ZNF510: variants seen among roughly 807,000 people sequenced by gnomAD.
ZNF510 encodes zinc finger protein 510.
Under a neutral mutation model 18.1 loss-of-function variants are expected in ZNF510, and 15 were observed. The ratio of observed to expected loss-of-function variants is 0.83; its 90% CI spans 0.55 to 1.28. The LOEUF (loss-of-function observed/expected upper bound fraction) is 1.28. Among genes scored for constraint, ZNF510 ranks in the 50% most tolerant of loss-of-function variants. The probability of loss-of-function intolerance (pLI) is 0.00; values close to 1 mark genes in which losing one functional copy is unlikely to be tolerated. For missense variants in ZNF510, 724 were observed against 791.8 expected, an observed-to-expected ratio of 0.91 and a Z score of 1.03; for synonymous variants, 261 against 266.4, an observed-to-expected ratio of 0.98 and a Z score of 0.20.
chr9:96,755,626 G>T lies in ZNF510; in HGVS notation c.*3152C>A, dbSNP rs887113925. Among the ~76,000 whole-genome samples the T allele has an allele frequency of 9.4e-4, 143 of 152,186 alleles. 1 individual carries two copies. The highest frequency in any genetic ancestry group is 2.8e-4 in the Non-Finnish European group (19 of 68,012). ...CCTTCTGTGAAAAATTCAGTAGCAG[G>T]CCAGAAAGATGGGTATTATGGTTCC... On this transcript the variant is annotated 3_prime_UTR_variant, in exon 6 of 6. Coordinates refer to ENST00000223428, the MANE Select transcript of ZNF510 (RefSeq NM_014930.3).
intron 3 of ZNF510, 67 bp downstream of exon 3, chr9:96,774,721 T>A: frequency 7.4e-7 from 1 of 1,359,950 alleles, no homozygotes; most frequent in Non-Finnish European, 1.0e-6. Context: ...TACATTTCCA[T>A]ATTAATATGT....
At position 96,756,933 on chromosome 9, in the gene ZNF510, T is replaced by G. The variant is rs758572185; in HGVS notation, c.*1845A>C. 2 of 152,246 alleles carry G rather than the reference T, an allele frequency of 1.3e-5. No individual in the cohort carries two copies. Among genetic ancestry groups the G allele is most frequent in the Non-Finnish European group, 2.9e-5 (2 of 68,048 alleles). 9.4% of individuals were successfully genotyped at this position (152,246 alleles called of 1,614,324 possible). Reference sequence around the variant, plus strand: ...ATGACTTATGCGAATTACAGGGAATTAGAATTCTCTCTATAACTTATGGGA... The same window carrying G: ...ATGACTTATGCGAATTACAGGGAATGAGAATTCTCTCTATAACTTATGGGA... On this transcript the variant is annotated 3_prime_UTR_variant, in exon 6 of 6. Coordinates refer to ENST00000223428, the MANE Select transcript of ZNF510 (RefSeq NM_014930.3).
In ZNF510 at chr9:96,760,350, A is replaced by C. The variant is rs1193735400; in HGVS notation, c.480T>G (p.Phe160Leu). 1 of 1,613,912 alleles carries C rather than the reference A, an allele frequency of 6.2e-7. No homozygotes were observed. The highest frequency in any genetic ancestry group is 8.5e-7 in the Non-Finnish European group (1 of 1,179,890). Residue 160 changes from phenylalanine (F) to leucine (L), a missense_variant, in exon 6 of 6, where the codon TTT becomes TTG. Physicochemically the swap from Phe to Leu is conservative, Grantham distance 22. Coordinates refer to ENST00000223428, the MANE Select transcript of ZNF510 (RefSeq NM_014930.3). ...TEEEKVLGKPFTLHVAAVAST... is the reference protein window; with the variant it reads ...TEEEKVLGKPLTLHVAAVAST... ...AAGCAACAGCAGCTACATGCAGAGT[A>C]AATGGTTTCCCCAAAACTTTCTCTT... is the stretch of plus-strand genomic sequence containing the variant.
chr9:96,764,958 C>T (rs1321725239), intron 3 of ZNF510, among the ~76,000 whole-genome samples: 1 of 151,808 alleles, frequency 6.6e-6, no homozygotes, highest in Non-Finnish European at 1.5e-5. Context: ...ATTAAAAATA[C>T]AAAAATTAGC....
At chr9:96,766,751 C>T (rs1185936058) in intron 3 of ZNF510, among the ~76,000 whole-genome samples, 2 of 152,140 alleles carry the variant, frequency 1.3e-5, no homozygotes, top group African/African-American at 4.8e-5. Context: ...GCAACGCTAA[C>T]ATCCTTACAA....
At chr9:96,775,731 A>AT (rs899141325) in intron 2 of ZNF510, among the ~76,000 whole-genome samples, 17 of 152,182 alleles carry the variant, frequency 1.1e-4, no homozygotes, top group Non-Finnish European at 2.2e-4. Flanking sequence ...CTGTATTATC[A>AT]TTTTTGTGAT....
intron 3 of ZNF510, among the ~76,000 whole-genome samples, chr9:96,770,083 A>C (rs546305194): frequency 6.6e-6 from 1 of 152,316 alleles, no homozygotes; most frequent in African/African-American, 2.4e-5. Context: ...CCCAAGAGAA[A>C]ACAGGTGTCC....
At chr9:96,769,647 CAGAAT>C (rs1392513262) in intron 3 of ZNF510, among the ~76,000 whole-genome samples, 1 of 152,046 alleles carries the variant, frequency 6.6e-6, no homozygotes, top group East Asian at 1.9e-4. Context: ...AAAGAACCTA[CAGAAT>C]AGGAGAAAAT....
rs190987490 is a variant in ZNF510 at position 96,766,205 on chromosome 9, C to G, written c.130-2573G>C. On this transcript the variant is annotated intron_variant, in intron 3 of 5. Coordinates refer to ENST00000223428, the MANE Select transcript of ZNF510 (RefSeq NM_014930.3). ...AAGTTGATAGAAATGAGATATCAATCTACAATTTTAATTAGTGATTTTAAT... is the reference window on the plus strand; with the variant it reads ...AAGTTGATAGAAATGAGATATCAATGTACAATTTTAATTAGTGATTTTAAT... Among the ~76,000 whole-genome samples, 120 of 152,216 alleles carry G rather than the reference C, an allele frequency of 7.9e-4. 1 individual carries two copies. Among genetic ancestry groups the G allele is most frequent in the Admixed American group, 1.4e-3 (21 of 15,280 alleles).
At chr9:96,768,607 AAAT>A (rs1262640380) in intron 3 of ZNF510, among the ~76,000 whole-genome samples, 1 of 152,172 alleles carries the variant, frequency 6.6e-6, no homozygotes, top group Non-Finnish European at 1.5e-5. Flanking sequence ...ATAGAACAAA[AAAT>A]AATAAAATAG....
At position 96,758,759 on chromosome 9, in the gene ZNF510, G is replaced by C. The variant is rs374028592; in HGVS notation, c.*19C>G. 5.9e-6 allele frequency: 9 copies of C among 1,531,978 alleles called. No individual in the cohort carries two copies. The African/African-American group carries it at 1.1e-4, about 19-fold the overall frequency. The allele number at this position is 1,531,978 out of a possible 1,614,324, so 94.9% of individuals were successfully genotyped here. On this transcript the variant is annotated 3_prime_UTR_variant, in exon 6 of 6. Transcript: ENST00000223428. ...AAATGGGGTATTCCTTTTGTCAAAA[G>C]GATTTTCTAGTTATTACATCAATAG... is the stretch of plus-strand genomic sequence containing the variant.
In ZNF510 at chr9:96,774,794, T is replaced by C. The variant is rs769071068; in HGVS notation, c.123A>G (p.Ile41Met). ...GTATTAGTAATTAACTCACCTGAGA[T>C]ATGTTCATTTTCTGCTGCTCCTGAA... ...TLFQEQQKMN[I>M]SQASVSFKDV... The change falls in exon 3 of 6, where the codon ATA becomes ATG. Residue 41 changes from isoleucine to methionine, a missense_variant. By Grantham distance (10) the Ile-to-Met change is conservative (BLOSUM62 1). Transcript: ENST00000223428. The C allele has an allele frequency of 3.1e-6, 5 of 1,613,564 alleles. No individual in the cohort carries two copies. The South Asian group carries it at 4.4e-5, about 14-fold the overall frequency.
intron 3 of ZNF510, among the ~76,000 whole-genome samples, chr9:96,769,455 G>GC (rs1022398268): frequency 1.4e-5 from 2 of 144,132 alleles, no homozygotes; most frequent in African/African-American, 5.8e-5. Flanking sequence ...AAAAAAATTG[G>GC]CCTTAAAAGG....
At chr9:96,762,545 T>C (rs1849378772) in intron 5 of ZNF510, among the ~76,000 whole-genome samples, 1 of 149,280 alleles carries the variant, frequency 6.7e-6, no homozygotes, top group Non-Finnish European at 1.5e-5. Context: ...GAAAACATCC[T>C]CCTGATACCA....
rs1412461644 is a variant in ZNF510 at position 96,762,534 on chromosome 9, A to G, written c.352+584T>C. Among the ~76,000 whole-genome samples the G allele has an allele frequency of 3.3e-5, 5 of 151,796 alleles. No individual in the cohort carries two copies. In the South Asian group the frequency reaches 8.3e-4, roughly 25 times the overall value. ...AAAAAAAAAAAAAAAGAAAAGAAAAAGAAAACATCCTCCTGATACCACAGT... is the reference window on the plus strand; with the variant it reads ...AAAAAAAAAAAAAAAGAAAAGAAAAGGAAAACATCCTCCTGATACCACAGT... On this transcript the variant is annotated intron_variant, in intron 5 of 5. Coordinates refer to ENST00000223428, the MANE Select transcript of ZNF510 (RefSeq NM_014930.3).
chr9:96,764,677 G>A (rs1464846722), intron 3 of ZNF510, among the ~76,000 whole-genome samples: 1 of 151,832 alleles, frequency 6.6e-6, no homozygotes, highest in Non-Finnish European at 1.5e-5. Flanking sequence ...CAACAACAAA[G>A]GAAACATTAT....
chr9:96,760,251 A>G lies in ZNF510; in HGVS notation c.579T>C (p.Asn193=), dbSNP rs774499609. 26 of 1,612,576 alleles carry G rather than the reference A, an allele frequency of 1.6e-5. No homozygotes were observed. The highest frequency in any genetic ancestry group is 2.7e-5 in the African/African-American group (2 of 74,828). ...LQSISEFIIN[N]RNYSTKKIGC... ...CTATTTTCTTTGTTGAATAGTTTCT[A>G]TTATTAATGATAAATTCAGAAATAC... The change falls in exon 6 of 6, where the codon AAT becomes AAC. Residue 193 remains asparagine (N), a synonymous_variant. Coordinates refer to ENST00000223428, the MANE Select transcript of ZNF510 (RefSeq NM_014930.3).
rs779012255 is a variant in ZNF510, at chr9:96,759,425, AT to A, written c.1404del (p.Phe469LeufsTer202). 11 of 1,614,008 alleles carry A rather than the reference AT, an allele frequency of 6.8e-6. No homozygotes were observed. The highest frequency in any genetic ancestry group is 1.6e-4 in the Middle Eastern group (1 of 6,080). On this transcript the variant is annotated frameshift_variant, in exon 6 of 6. Transcript: ENST00000223428. LOFTEE classifies it low-confidence loss of function (END_TRUNC). ...KPYKCNECGKTFVQKSTLRGH... is the reference protein window; with the variant it reads ...KPYKCNECGKXFVQKSTLRGH... ...CCCCTGAGGGTTGACTTCTGGACAAATGTTTTTCCACATTCATTACATTTAT... is the reference window on the plus strand; with the variant it reads ...CCCCTGAGGGTTGACTTCTGGACAAAGTTTTTCCACATTCATTACATTTAT...
chr9:96,759,057 T>C lies in ZNF510; in HGVS notation c.1773A>G (p.Gln591=), dbSNP rs1466922565. The part of the protein sequence containing the change: ...FARTSTLRVH[Q]RIHTGEKPFK... ...ATGGTTTCTCCCCAGTGTGAATTCT[T>C]TGATGCACTCTGAGGGTTGATGTCC... The change falls in exon 6 of 6, where the codon CAA becomes CAG. Residue 591 remains glutamine (Q), a synonymous_variant. Coordinates refer to ENST00000223428, the MANE Select transcript of ZNF510 (RefSeq NM_014930.3). The C allele has an allele frequency of 1.2e-5, 20 of 1,613,820 alleles. No homozygotes were observed. Among genetic ancestry groups the C allele is most frequent in the African/African-American group, 2.7e-5 (2 of 74,854 alleles).
Sources: allele counts gnomAD v4.1 joint callset (sites outside exome capture counted in the v4.1 genomes callset), GRCh38; gene constraint gnomAD v4.1.1; transcripts MANE v1.5; gene names NCBI Gene and HGNC (gene_info 2026-07-23, HGNC 2026-07-21).